OTUD3: variants seen among roughly 807,000 people sequenced by gnomAD.
OTUD3 encodes OTU deubiquitinase 3, also known as OTU domain-containing protein 3.
A neutral mutation model predicts 46.2 loss-of-function variants in OTUD3; 24 were observed. That is an observed-to-expected ratio of 0.52 (90% CI 0.38 to 0.73). The LOEUF (loss-of-function observed/expected upper bound fraction) is 0.73. OTUD3 is among the 30% of genes least tolerant of loss of function. OTUD3 has a pLI of 0.00. For missense variants in OTUD3, 455 were observed against 523.3 expected, an observed-to-expected ratio of 0.87 and a Z score of 1.27; for synonymous variants, 189 against 195.4, an observed-to-expected ratio of 0.97 and a Z score of 0.27.
rs1342955932 is a variant in OTUD3, at chr1:19,910,325, G to A, written c.*2579G>A. 1.3e-5 allele frequency: 2 copies of A among 152,346 alleles called. No individual in the cohort carries two copies. Among genetic ancestry groups the A allele is most frequent in the Non-Finnish European group, 2.9e-5 (2 of 68,038 alleles). 9.4% of individuals were successfully genotyped at this position (152,346 alleles called of 1,614,324 possible). On this transcript the variant is annotated 3_prime_UTR_variant, in exon 8 of 8. Coordinates refer to ENST00000375120, the MANE Select transcript of OTUD3 (RefSeq NM_015207.2). Reference sequence around the variant, plus strand: ...TAGTGTGGTCAGGAGAAAGGGGATGGAGCAGTGGTGCATAGCTGCTTACTG... The same window carrying A: ...TAGTGTGGTCAGGAGAAAGGGGATGAAGCAGTGGTGCATAGCTGCTTACTG...
chr1:19,900,799 A>G (rs2100300265), intron 4 of OTUD3, among the ~76,000 whole-genome samples: 1 of 151,846 alleles, frequency 6.6e-6, no homozygotes, highest in African/African-American at 2.4e-5. Flanking sequence ...TTTTTCACTC[A>G]TAATTAATTT....
In OTUD3 at chr1:19,882,423, C is replaced by T. The variant is rs1019400497; in HGVS notation, c.-91C>T. On this transcript the variant is annotated 5_prime_UTR_variant, in exon 1 of 8. Transcript: ENST00000375120. ...GCGTAGTCGTCGCCGGGCTCCGTTG[C>T]CCGCGCTGTTTTACCTTCCCAACGC... 3 of 1,299,598 alleles carry T rather than the reference C, an allele frequency of 2.3e-6. No homozygotes were observed. The highest frequency in any genetic ancestry group is 2.9e-4 in the Middle Eastern group (1 of 3,408). 80.5% of individuals were successfully genotyped at this position (1,299,598 alleles called of 1,614,324 possible).
At chr1:19,894,339 C>A in intron 2 of OTUD3, 29 bp from the exon 3 acceptor site, 1 of 1,323,398 alleles carries the variant, frequency 7.6e-7, no homozygotes, top group South Asian at 1.3e-5. Flanking sequence ...ACTATAAAGA[C>A]GTCATTTTTC....
At chr1:19,887,043 A>G (rs1433137326) in intron 1 of OTUD3, among the ~76,000 whole-genome samples, 3 of 151,992 alleles carry the variant, frequency 2.0e-5, no homozygotes, top group Non-Finnish European at 2.9e-5. Flanking sequence ...ACAATTCAAT[A>G]TAAAAATTAT....
intron 5 of OTUD3, 30 bp from the exon 6 acceptor site, chr1:19,904,861 G>C: frequency 2.7e-6 from 3 of 1,100,064 alleles, no homozygotes; most frequent in Non-Finnish European, 4.1e-6. Context: ...GTTTTGAAGT[G>C]GTTTTTTTGT....
intron 1 of OTUD3, among the ~76,000 whole-genome samples, chr1:19,883,678 GCT>G (rs80058043): frequency 0.34 from 51,873 of 152,066 alleles, 9,161 homozygotes; most frequent in Non-Finnish European, 0.4. Context: ...CGGTGATTTT[GCT>G]GTGTTGCCCA....
Position 19,888,244 on chromosome 1 carries a change from C to G in OTUD3, c.222-2141C>G, listed in dbSNP as rs557521398. On this transcript the variant is annotated intron_variant, in intron 1 of 7. Transcript: ENST00000375120. ...CAACAAAAAAATGATCCTGGAATGTCAATAATGTGGAGATTGAGAAGCCCT... is the reference window on the plus strand; with the variant it reads ...CAACAAAAAAATGATCCTGGAATGTGAATAATGTGGAGATTGAGAAGCCCT... Among the ~76,000 whole-genome samples, 73 of 152,298 alleles carry G rather than the reference C, an allele frequency of 4.8e-4. 1 individual carries two copies. Among genetic ancestry groups the G allele is most frequent in the African/African-American group, 1.6e-3 (67 of 41,574 alleles).
At chr1:19,902,672 T>C (rs2045606977) in intron 4 of OTUD3, among the ~76,000 whole-genome samples, 1 of 152,240 alleles carries the variant, frequency 6.6e-6, no homozygotes, top group African/African-American at 2.4e-5. Context: ...TTTTAATATA[T>C]TCTAGATGCT....
Position 19,906,452 on chromosome 1 carries a change from C to T in OTUD3, c.856C>T (p.Pro286Ser), listed in dbSNP as rs2045662029. 1 of 1,613,768 alleles carries T rather than the reference C, an allele frequency of 6.2e-7. No individual in the cohort carries two copies. The highest frequency in any genetic ancestry group is 1.1e-5 in the South Asian group (1 of 91,030). The part of the protein sequence containing the change: ...KRNNAEENLE[P>S]SGRVLKQCGP... The stretch of plus-strand genomic sequence containing the variant: ...GGAAGATGCAGAAGAGAATCTTGAG[C>T]CCAGTGGTCGAGTGCTGAAGCAGTG... Residue 286 changes from proline (P) to serine (S), a missense_variant, in exon 7 of 8, where the codon CCC becomes TCC. By Grantham distance (74) the Pro-to-Ser change is moderately conservative (BLOSUM62 -1). Transcript: ENST00000375120.
intron 4 of OTUD3, among the ~76,000 whole-genome samples, chr1:19,899,751 A>G (rs546361967): frequency 3.2e-4 from 48 of 152,354 alleles, no homozygotes; most frequent in Non-Finnish European, 5.9e-4. Context: ...CACTTCGTCA[A>G]CATAGTGTTA....
At chr1:19,890,639 C>T (rs758691244) in intron 2 of OTUD3, 106 bp downstream of exon 2, 50 of 989,224 alleles carry the variant, frequency 5.1e-5, no homozygotes, top group South Asian at 7.3e-5. Context: ...ATATAAATCA[C>T]GACATTCATT....
Position 19,910,637 on chromosome 1 carries a change from C to G in OTUD3, c.*2891C>G, listed in dbSNP as rs2045722440. 6.6e-6 allele frequency: 1 copy of G among 152,332 alleles called. No homozygotes were observed. The highest frequency in any genetic ancestry group is 2.4e-5 in the African/African-American group (1 of 41,456). The allele number at this position is 152,332 out of a possible 1,614,324, so 9.4% of individuals were successfully genotyped here. A position where few individuals can be genotyped will look rare whatever the true frequency, so the allele number is the denominator to read the frequency against. The stretch of plus-strand genomic sequence containing the variant: ...AATTTTAAATGTTAGTCGAAGTTGT[C>G]TGTAGTTTCTTTATTAAGCTCTGAA... On this transcript the variant is annotated 3_prime_UTR_variant, in exon 8 of 8. Transcript: ENST00000375120.
chr1:19,883,732 C>T (rs989173148), intron 1 of OTUD3, among the ~76,000 whole-genome samples: 1 of 152,162 alleles, frequency 6.6e-6, no homozygotes, highest in Non-Finnish European at 1.5e-5. Flanking sequence ...CCTCCTGCCT[C>T]GGCCTCCCAA....
At chr1:19,899,606 A>G (rs2045560694) in intron 4 of OTUD3, among the ~76,000 whole-genome samples, 1 of 152,236 alleles carries the variant, frequency 6.6e-6, no homozygotes, top group South Asian at 2.1e-4. Flanking sequence ...TCACTCATGT[A>G]TCTGTGGGAC....
At chr1:19,905,132 A>C in intron 6 of OTUD3, 145 bp downstream of exon 6, 1 of 580,470 alleles carries the variant, frequency 1.7e-6, no homozygotes, top group Non-Finnish European at 3.1e-6. Context: ...GTACGTAGAC[A>C]TTTTTTACTA....
intron 3 of OTUD3, among the ~76,000 whole-genome samples, chr1:19,896,764 C>A (rs182621889): frequency 2.0e-5 from 3 of 152,118 alleles, no homozygotes; most frequent in Non-Finnish European, 4.4e-5. Flanking sequence ...TTGGACGTGG[C>A]GAGTTTTATT....
chr1:19,890,583 ATT>A, intron 2 of OTUD3, 50 bp downstream of exon 2: 7 of 1,540,304 alleles, frequency 4.5e-6, no homozygotes, highest in Non-Finnish European at 6.3e-6. Flanking sequence ...GCATTGGGTA[ATT>A]AAGTCCACTG....
intron 1 of OTUD3, among the ~76,000 whole-genome samples, chr1:19,889,008 G>T (rs1426706975): frequency 6.6e-6 from 1 of 152,166 alleles, no homozygotes; most frequent in Non-Finnish European, 1.5e-5. Flanking sequence ...ACATAAATTT[G>T]TGATAAATCA....
rs2045456348 is a variant in OTUD3 at position 19,892,259 on chromosome 1, T to C, written c.370+1726T>C. On this transcript the variant is annotated intron_variant, in intron 2 of 7. Coordinates refer to ENST00000375120, the MANE Select transcript of OTUD3 (RefSeq NM_015207.2). ...GCCAGAGCAGAAATGAAAAGAAACC[T>C]GGAAGTCTGCACATTCTCTTTGTGT... Among the ~76,000 whole-genome samples, 3 of 152,326 alleles carry C rather than the reference T, an allele frequency of 2.0e-5. No homozygotes were observed. The South Asian group carries it at 6.2e-4, about 32-fold the overall frequency.
Sources: allele counts gnomAD v4.1 joint callset (sites outside exome capture counted in the v4.1 genomes callset), GRCh38; gene constraint gnomAD v4.1.1; transcripts MANE v1.5; gene names NCBI Gene and HGNC (gene_info 2026-07-23, HGNC 2026-07-21).